CSMD1: variants seen among roughly 807,000 people sequenced by gnomAD.
CSMD1 encodes the protein CUB and sushi domain-containing protein 1.
In CSMD1, 213 loss-of-function variants were observed where a neutral mutation model predicts 417.5. That is an observed-to-expected ratio of 0.51 (90% CI 0.46 to 0.57). The LOEUF (loss-of-function observed/expected upper bound fraction) is 0.57, where lower values mean the gene tolerates loss of function less well. Among genes scored for constraint, CSMD1 ranks in the 20% least tolerant of loss-of-function variants. CSMD1 has a pLI of 0.00. For synonymous variants in CSMD1, 2,862 were observed against 1,736.8 expected (o/e 1.65, Z -16.11); for missense variants, 6,923 against 4,529.7 (o/e 1.53, Z -15.17).
chr8:3,720,096 T>C (rs762725447), intron 6 of CSMD1, among the ~76,000 whole-genome samples: 2 of 152,226 alleles, frequency 1.3e-5, no homozygotes, highest in Non-Finnish European at 2.9e-5. Flanking sequence ...TCCAAGTCTT[T>C]GTTACATTCA....
chr8:3,829,599 C>A (rs1479806623), intron 5 of CSMD1, among the ~76,000 whole-genome samples: 9 of 152,062 alleles, frequency 5.9e-5, no homozygotes, highest in Non-Finnish European at 1.3e-4. Context: ...TAATGATGGG[C>A]CCCTCAGGAG....
rs542356570 is a variant in CSMD1, at chr8:3,553,256, G to A, written c.1344+21689C>T. Among the ~76,000 whole-genome samples, 4 of 152,286 alleles carry A rather than the reference G, an allele frequency of 2.6e-5. No individual in the cohort carries two copies. The East Asian group carries it at 7.7e-4, about 29-fold the overall frequency. On this transcript the variant is annotated intron_variant, in intron 10 of 69. Coordinates refer to ENST00000635120, the MANE Select transcript of CSMD1 (RefSeq NM_033225.6). ...GTAGGCTTTCAGTAATGTAGCCATA[G>A]TTCGGAGCTGCAGGCACACCGTCAG...
rs1227317077 is a variant in CSMD1, at chr8:4,139,698, G to C, written c.416-107599C>G. Among the ~76,000 whole-genome samples, 3 of 151,154 alleles carry C rather than the reference G, an allele frequency of 2.0e-5. 1 individual carries two copies. The highest frequency in any genetic ancestry group is 6.6e-5 in the Admixed American group (1 of 15,224). On this transcript the variant is annotated intron_variant, in intron 3 of 69. Transcript: ENST00000635120. ...TGCCATTTGCAAATGTTAGAATGATGATTTTGGTGGGAAGCCCCGAGTGAT... is the reference window on the plus strand; with the variant it reads ...TGCCATTTGCAAATGTTAGAATGATCATTTTGGTGGGAAGCCCCGAGTGAT...
At chr8:3,985,969 G>A (rs182978896) in intron 5 of CSMD1, among the ~76,000 whole-genome samples, 19 of 151,540 alleles carry the variant, frequency 1.3e-4, no homozygotes. Context: ...AGTTTCCCTG[G>A]CTGTCCTCTG....
intron 5 of CSMD1, among the ~76,000 whole-genome samples, chr8:3,759,403 A>G (rs576962084): frequency 3.3e-5 from 5 of 152,280 alleles, no homozygotes; most frequent in African/African-American, 1.2e-4. Flanking sequence ...CCTTTATAAA[A>G]CAACCAGTGA....
intron 26 of CSMD1, among the ~76,000 whole-genome samples, chr8:3,272,060 T>G (rs1416497131): frequency 6.6e-6 from 1 of 150,520 alleles, no homozygotes; most frequent in Non-Finnish European, 1.5e-5. Context: ...TTTTATGGTT[T>G]TAGGTCTAAT....
intron 41 of CSMD1, 33 bp from the exon 42 acceptor site, chr8:3,118,620 T>C: frequency 6.3e-7 from 1 of 1,591,488 alleles, no homozygotes. Flanking sequence ...ATAAAGCTTA[T>C]ATTTGTGAGG....
chr8:4,557,437 T>G (rs566432943), intron 2 of CSMD1, among the ~76,000 whole-genome samples: 1 of 152,166 alleles, frequency 6.6e-6, no homozygotes, highest in African/African-American at 2.4e-5. Flanking sequence ...AGGTTTTTTT[T>G]TTTTGAAATG....
intron 3 of CSMD1, among the ~76,000 whole-genome samples, chr8:4,264,896 T>A (rs980321626): frequency 6.6e-6 from 1 of 152,224 alleles, no homozygotes; most frequent in African/African-American, 2.4e-5. Flanking sequence ...AGAGAAAACA[T>A]GTAGGAATTG....
intron 2 of CSMD1, among the ~76,000 whole-genome samples, chr8:4,519,608 C>T (rs1485170946): frequency 6.6e-6 from 1 of 151,212 alleles, no homozygotes; most frequent in Non-Finnish European, 1.5e-5. Flanking sequence ...GACATGGTTG[C>T]AGGTACCTAT....
chr8:3,521,325 T>C (rs949938808), intron 10 of CSMD1, among the ~76,000 whole-genome samples: 1 of 152,160 alleles, frequency 6.6e-6, no homozygotes, highest in Non-Finnish European at 1.5e-5. Context: ...TTCACATGTC[T>C]TTTCACCTCT....
At chr8:2,992,481 T>C (rs1425855412) in intron 54 of CSMD1, among the ~76,000 whole-genome samples, 1 of 152,040 alleles carries the variant, frequency 6.6e-6, no homozygotes, top group East Asian at 1.9e-4. Context: ...TGGAGTGCAG[T>C]GGCGTGATCT....
chr8:4,864,350 C>CA (rs1199658845), intron 1 of CSMD1, among the ~76,000 whole-genome samples: 1 of 151,546 alleles, frequency 6.6e-6, no homozygotes, highest in Non-Finnish European at 1.5e-5. Flanking sequence ...AGAATGAAAA[C>CA]AAAAAACAAG....
chr8:3,785,307 T>G (rs1317889251), intron 5 of CSMD1, among the ~76,000 whole-genome samples: 1 of 152,168 alleles, frequency 6.6e-6, no homozygotes, highest in Non-Finnish European at 1.5e-5. Context: ...TGATGAAACT[T>G]CAGGCTGCGG....
chr8:4,023,315 G>C (rs765161517), intron 4 of CSMD1, among the ~76,000 whole-genome samples: 3 of 152,132 alleles, frequency 2.0e-5, no homozygotes, highest in African/African-American at 7.2e-5. Flanking sequence ...CTTGAGCAAA[G>C]AGTATTTCTG....
chr8:4,158,503 T>G (rs932755519), intron 3 of CSMD1, among the ~76,000 whole-genome samples: 6 of 152,096 alleles, frequency 3.9e-5, no homozygotes, highest in Non-Finnish European at 8.8e-5. Context: ...AAAAGGATAT[T>G]GGAAAAACTC....
rs59622954 is a variant in CSMD1, at chr8:3,872,839, CA to C, written c.819-118798del. Among the ~76,000 whole-genome samples, 341 of 131,194 alleles carry C rather than the reference CA, an allele frequency of 2.6e-3. 2 individuals are homozygous for C. The highest frequency in any genetic ancestry group is 0.025 in the East Asian group (119 of 4,722). 86.1% of individuals were successfully genotyped at this position (131,194 alleles called of 152,430 possible). A position where few individuals can be genotyped will look rare whatever the true frequency, so the allele number is the denominator to read the frequency against. On this transcript the variant is annotated intron_variant, in intron 5 of 69. Coordinates refer to ENST00000635120, the MANE Select transcript of CSMD1 (RefSeq NM_033225.6). ...AAACAAATTTACAATAAGACAGCTC[CA>C]AAAAAAAAAAAGAAAGAAAAAAGAA...
At chr8:3,557,930 G>A (rs950547786) in intron 10 of CSMD1, among the ~76,000 whole-genome samples, 1 of 152,122 alleles carries the variant, frequency 6.6e-6, no homozygotes, top group Middle Eastern at 3.2e-3. Context: ...TAAATAGTTT[G>A]TTGGTTTGCA....
At chr8:4,630,871 G>T (rs1802469278) in intron 2 of CSMD1, among the ~76,000 whole-genome samples, 1 of 152,132 alleles carries the variant, frequency 6.6e-6, no homozygotes, top group Admixed American at 6.6e-5. Flanking sequence ...CTGGTTCTGG[G>T]ATCCTCCCTC....
Sources: allele counts gnomAD v4.1 joint callset (sites outside exome capture counted in the v4.1 genomes callset), GRCh38; gene constraint gnomAD v4.1.1; transcripts MANE v1.5; gene names NCBI Gene and HGNC (gene_info 2026-07-23, HGNC 2026-07-21).